The following EXT1 variants were observed in gnomAD, a reference collection of about 807,000 sequenced individuals.
EXT1 encodes the protein exostosin-1.
A neutral mutation model predicts 82.5 loss-of-function variants in EXT1; 20 were observed. The observed-to-expected ratio is 0.24, with a 90% CI of 0.17 to 0.35. The LOEUF is 0.35. EXT1 is among the 10% of genes least tolerant of loss of function. The pLI, the probability that EXT1 is intolerant of heterozygous loss-of-function variation, is 1.00. For missense variants in EXT1, 757 were observed against 936.5 expected, an observed-to-expected ratio of 0.81 and a Z score of 2.50; for synonymous variants, 348 against 350.8, an observed-to-expected ratio of 0.99 and a Z score of 0.09.
chr8:117,836,961 G>A, intron 2 of EXT1, 147 bp downstream of exon 2: 1 of 664,426 alleles, frequency 1.5e-6, no homozygotes. Flanking sequence ...TGTCAAAAAT[G>A]TTTTAGATTT....
chr8:118,052,613 A>T (rs1429500984), intron 1 of EXT1, among the ~76,000 whole-genome samples: 3 of 152,224 alleles, frequency 2.0e-5, no homozygotes, highest in Non-Finnish European at 2.9e-5. Context: ...TAAAAAAACA[A>T]ACAAATGAAA....
chr8:118,021,536 G>A (rs115945248), intron 1 of EXT1, among the ~76,000 whole-genome samples: 3 of 152,176 alleles, frequency 2.0e-5, no homozygotes, highest in East Asian at 1.9e-4. Flanking sequence ...GAAGACGGCC[G>A]ATTTTAAAAA....
intron 1 of EXT1, among the ~76,000 whole-genome samples, chr8:118,073,504 C>G (rs1817135428): frequency 6.6e-6 from 1 of 152,134 alleles, no homozygotes; most frequent in Non-Finnish European, 1.5e-5. Flanking sequence ...GCCTGTAATC[C>G]CAGGTACTCA....
rs569174458 is a variant in EXT1, at chr8:117,798,808, C to T, written c.*904G>A. On this transcript the variant is annotated 3_prime_UTR_variant, in exon 11 of 11. Transcript: ENST00000378204. ...CCCCAATATACTCATTATTCCTTGGCTTCTAAACCAAAGCCTCTTCCCAGT... is the reference window on the plus strand; with the variant it reads ...CCCCAATATACTCATTATTCCTTGGTTTCTAAACCAAAGCCTCTTCCCAGT... The T allele has an allele frequency of 2.0e-5, 3 of 152,270 alleles. No homozygotes were observed. The highest frequency in any genetic ancestry group is 6.5e-5 in the Admixed American group (1 of 15,296). 9.4% of individuals were successfully genotyped at this position (152,270 alleles called of 1,614,324 possible).
chr8:118,002,535 T>C (rs961270583), intron 1 of EXT1, among the ~76,000 whole-genome samples: 1,464 of 92,012 alleles, frequency 0.016, 25 homozygotes, highest in African/African-American at 0.064. Flanking sequence ...TTTCTTTTTT[T>C]TTTTTTTTTT....
In EXT1 at chr8:118,111,061, T is replaced by C. The variant is rs759223779; in HGVS notation, c.-15A>G. On this transcript the variant is annotated 5_prime_UTR_variant, in exon 1 of 11. Coordinates refer to ENST00000378204, the MANE Select transcript of EXT1 (RefSeq NM_000127.3). ...TTGGCCTGCATGTGTCCTGCCTGGGTCAAGAGGATTGTAAATAAACACAAG... is the reference window on the plus strand; with the variant it reads ...TTGGCCTGCATGTGTCCTGCCTGGGCCAAGAGGATTGTAAATAAACACAAG... 4 of 1,579,902 alleles carry C rather than the reference T, an allele frequency of 2.5e-6. No individual in the cohort carries two copies. The South Asian group carries it at 4.5e-5, about 18-fold the overall frequency.
intron 1 of EXT1, among the ~76,000 whole-genome samples, chr8:117,956,518 T>C (rs1304278797): frequency 2.6e-5 from 4 of 152,080 alleles, no homozygotes; most frequent in Admixed American, 6.6e-5. Context: ...TCTCGACTCA[T>C]TGGAACCTCC....
intron 1 of EXT1, among the ~76,000 whole-genome samples, chr8:117,998,266 C>T (rs1479024503): frequency 6.6e-6 from 1 of 152,050 alleles, no homozygotes; most frequent in Non-Finnish European, 1.5e-5. Context: ...CCTGTCTCAG[C>T]CTCCCAAATT....
At chr8:117,823,681 A>G (rs1026322735) in intron 4 of EXT1, among the ~76,000 whole-genome samples, 14 of 152,150 alleles carry the variant, frequency 9.2e-5, no homozygotes, top group African/African-American at 3.1e-4. Context: ...TGGTGACTAG[A>G]TAAGTAATAA....
At chr8:117,920,160 A>C (rs1486462116) in intron 1 of EXT1, among the ~76,000 whole-genome samples, 1 of 152,164 alleles carries the variant, frequency 6.6e-6, no homozygotes, top group Admixed American at 6.5e-5. Context: ...GCTGGAATGC[A>C]GTGACGCGAT....
At position 117,888,401 on chromosome 8, in the gene EXT1, T is replaced by C. The variant is rs932242226; in HGVS notation, c.963-51200A>G. On this transcript the variant is annotated intron_variant, in intron 1 of 10. Transcript: ENST00000378204. ...CAGCATGAGTTTCAGATCTTCAAAA[T>C]TGGTTGCTTAACAGCTTGGGAAATC... is the stretch of plus-strand genomic sequence containing the variant. Among the ~76,000 whole-genome samples the C allele has an allele frequency of 1.9e-4, 29 of 152,286 alleles. No homozygotes were observed. The South Asian group carries it at 2.1e-3, about 11-fold the overall frequency.
At position 117,813,732 on chromosome 8, in the gene EXT1, G is replaced by A. The variant is rs562484898; in HGVS notation, c.1633-771C>T. 1.6e-4 allele frequency among the ~76,000 whole-genome samples: 25 copies of A among 152,250 alleles called. No homozygotes were observed. In the South Asian group the frequency reaches 3.5e-3, roughly 21 times the overall value. ...TTTAAAGAAATATATTAGGCCAGGC[G>A]TGGTGGCTCATGACTGTAATCCCAG... is the stretch of plus-strand genomic sequence containing the variant. On this transcript the variant is annotated intron_variant, in intron 7 of 10. Transcript: ENST00000378204.
intron 1 of EXT1, among the ~76,000 whole-genome samples, chr8:117,918,344 C>T (rs1437863613): frequency 6.6e-6 from 1 of 152,184 alleles, no homozygotes; most frequent in Non-Finnish European, 1.5e-5. Flanking sequence ...AGGAGCTCCA[C>T]AGATCACCTT....
rs1319172116 is a variant in EXT1, at chr8:117,968,593, G to T, written c.963-131392C>A. ...TTTTTTTTTTTTTTTTTTTTGAGACGGAGTCTCACTCTGTCACCCAGGCTG... is the reference window on the plus strand; with the variant it reads ...TTTTTTTTTTTTTTTTTTTTGAGACTGAGTCTCACTCTGTCACCCAGGCTG... On this transcript the variant is annotated intron_variant, in intron 1 of 10. Coordinates refer to ENST00000378204, the MANE Select transcript of EXT1 (RefSeq NM_000127.3). Among the ~76,000 whole-genome samples, 7 of 44,914 alleles carry T rather than the reference G, an allele frequency of 1.6e-4. No homozygotes were observed. The African/African-American group carries it at 2.4e-3, about 15-fold the overall frequency. The allele number at this position is 44,914 out of a possible 152,430, so 29.5% of individuals were successfully genotyped here.
At chr8:117,964,623 G>GTGTGTT (rs1554589522) in intron 1 of EXT1, among the ~76,000 whole-genome samples, 5 of 149,730 alleles carry the variant, frequency 3.3e-5, no homozygotes, top group African/African-American at 1.3e-4. Context: ...GTGTGTGTGT[G>GTGTGTT]TGTTTGTTTG....
chr8:118,087,092 C>T (rs1416731544), intron 1 of EXT1, among the ~76,000 whole-genome samples: 2 of 152,158 alleles, frequency 1.3e-5, no homozygotes, highest in Non-Finnish European at 2.9e-5. Context: ...CTTCAAGGCT[C>T]GTGCCCAGCG....
intron 1 of EXT1, among the ~76,000 whole-genome samples, chr8:117,968,859 G>A (rs532890429): frequency 3.1e-5 from 2 of 64,534 alleles, no homozygotes; most frequent in East Asian, 6.4e-4. Flanking sequence ...GTGAGCCACT[G>A]TGCCCAGCCA....
chr8:117,830,633 C>A (rs1812083433), intron 3 of EXT1, among the ~76,000 whole-genome samples: 1 of 152,158 alleles, frequency 6.6e-6, no homozygotes, highest in African/African-American at 2.4e-5. Context: ...AGTCTATAGT[C>A]ACAATTGCTG....
chr8:117,910,032 C>CTT (rs1813616737), intron 1 of EXT1, among the ~76,000 whole-genome samples: 1 of 152,162 alleles, frequency 6.6e-6, no homozygotes, highest in South Asian at 2.1e-4. Context: ...CCTCCCAAAG[C>CTT]GTTGGGATTA....
Sources: gnomAD v4.1 joint callset for allele counts (sites outside exome capture counted in the v4.1 genomes callset) on GRCh38, gnomAD v4.1.1 for gene constraint, MANE v1.5 for transcripts, NCBI Gene and HGNC (gene_info 2026-07-23, HGNC 2026-07-21) for gene names.